ALG14: variants seen among roughly 807,000 people sequenced by gnomAD.
ALG14 encodes UDP-N-acetylglucosamine transferase subunit ALG14.
A neutral mutation model predicts 22.8 loss-of-function variants in ALG14; 17 were observed. The observed-to-expected ratio is 0.75, with a 90% CI of 0.51 to 1.12. The LOEUF (loss-of-function observed/expected upper bound fraction) is 1.12. Ranked by LOEUF, ALG14 falls within the 50% of genes most tolerant of loss-of-function variation. The probability of loss-of-function intolerance (pLI) is 0.00; values close to 1 mark genes in which losing one functional copy is unlikely to be tolerated. For missense variants in ALG14, 288 were observed against 271.8 expected (o/e 1.06, Z -0.42); for synonymous variants, 89 against 103.7 (o/e 0.86, Z 0.86).
At position 95,039,529 on chromosome 1, in the gene ALG14, C is replaced by T. The variant is rs574082719; in HGVS notation, c.289-12269G>A. 1.9e-4 allele frequency among the ~76,000 whole-genome samples: 29 copies of T among 152,178 alleles called. No homozygotes were observed. In the South Asian group the frequency reaches 4.6e-3, roughly 24 times the overall value. ...CCTAGGGTGAACGGTACTGTCATGA[C>T]CTGGGGAGCAAATAGCAAGAGCGGA... On this transcript the variant is annotated intron_variant, in intron 2 of 3. Coordinates refer to ENST00000370205, the MANE Select transcript of ALG14 (RefSeq NM_144988.4).
At chr1:95,057,794 C>T (rs1001613742) in intron 2 of ALG14, among the ~76,000 whole-genome samples, 13 of 151,734 alleles carry the variant, frequency 8.6e-5, no homozygotes, top group African/African-American at 2.9e-4. Flanking sequence ...AATAAGAAAA[C>T]AGACATGTAG....
At chr1:95,001,306 T>C (rs1380591080) in intron 3 of ALG14, among the ~76,000 whole-genome samples, 1 of 152,204 alleles carries the variant, frequency 6.6e-6, no homozygotes, top group Non-Finnish European at 1.5e-5. Flanking sequence ...CTTTTCAGCT[T>C]GTCGGTTGTC....
intron 2 of ALG14, among the ~76,000 whole-genome samples, chr1:95,053,999 A>G (rs893118797): frequency 1.3e-5 from 2 of 152,202 alleles, no homozygotes; most frequent in Admixed American, 1.3e-4. Context: ...GTCCAGCTAC[A>G]TGTTACTTAC....
rs1553222804 is a variant in ALG14 at position 94,976,695 on chromosome 1, G to GA, written c.*6380dup. The GA allele has an allele frequency of 1.0e-3, 141 of 140,146 alleles. No individual in the cohort carries two copies. The highest frequency in any genetic ancestry group is 7.2e-3 in the Middle Eastern group (2 of 278). 8.7% of individuals were successfully genotyped at this position (140,146 alleles called of 1,614,324 possible). The stretch of plus-strand genomic sequence containing the variant: ...TGACAGAGTGAGACTCCGTCTTAAA[G>GA]AAAAAAAAAAAAGATGTCCCCTAAT... On this transcript the variant is annotated 3_prime_UTR_variant, in exon 4 of 4. Coordinates refer to ENST00000370205, the MANE Select transcript of ALG14 (RefSeq NM_144988.4).
intron 2 of ALG14, among the ~76,000 whole-genome samples, chr1:95,063,493 C>G (rs1382795019): frequency 6.6e-6 from 1 of 152,118 alleles, no homozygotes; most frequent in Non-Finnish European, 1.5e-5. Flanking sequence ...AGGAATCCAG[C>G]TTCAATTTTC....
chr1:95,016,139 T>A (rs1393601414), intron 3 of ALG14, among the ~76,000 whole-genome samples: 1 of 152,228 alleles, frequency 6.6e-6, no homozygotes, highest in Admixed American at 6.5e-5. Context: ...AACCCTGGTA[T>A]GCATGTTGCC....
At chr1:95,019,597 A>T (rs911205457) in intron 3 of ALG14, among the ~76,000 whole-genome samples, 8 of 152,230 alleles carry the variant, frequency 5.3e-5, no homozygotes, top group African/African-American at 1.9e-4. Flanking sequence ...AAAAGGCACC[A>T]CTGAAGTTGA....
intron 2 of ALG14, among the ~76,000 whole-genome samples, chr1:95,030,328 T>C (rs886383356): frequency 2.0e-5 from 3 of 152,126 alleles, no homozygotes; most frequent in Non-Finnish European, 4.4e-5. Flanking sequence ...TTTTTCCAGT[T>C]TTCAGAGCTC....
chr1:95,060,176 ACG>A (rs1336547342), intron 2 of ALG14, among the ~76,000 whole-genome samples: 1 of 133,714 alleles, frequency 7.5e-6, no homozygotes, highest in Non-Finnish European at 1.6e-5. Flanking sequence ...ACACACACAC[ACG>A]TGGTGGTACC....
At chr1:95,065,502 A>T (rs759884455) in intron 1 of ALG14, among the ~76,000 whole-genome samples, 9 of 152,194 alleles carry the variant, frequency 5.9e-5, no homozygotes, top group Admixed American at 5.9e-4. Context: ...CACTGGGTGG[A>T]GATGGGGATT....
At chr1:94,986,961 G>C (rs1055007303) in intron 3 of ALG14, among the ~76,000 whole-genome samples, 30 of 152,240 alleles carry the variant, frequency 2.0e-4, no homozygotes, top group Non-Finnish European at 4.0e-4. Flanking sequence ...CTGGTTCAGG[G>C]AAGAGCACAC....
At chr1:95,064,335 G>C (rs1345939118) in intron 2 of ALG14, among the ~76,000 whole-genome samples, 2 of 152,184 alleles carry the variant, frequency 1.3e-5, no homozygotes, top group African/African-American at 2.4e-5. Context: ...GGAGTGGTGA[G>C]AGAGGGCATC....
chr1:95,062,808 T>C (rs896626797), intron 2 of ALG14, among the ~76,000 whole-genome samples: 2 of 152,264 alleles, frequency 1.3e-5, no homozygotes, highest in Admixed American at 6.5e-5. Flanking sequence ...CCTTTGGGTA[T>C]ATACCCAGCA....
At chr1:95,018,531 G>A (rs1557955652) in intron 3 of ALG14, among the ~76,000 whole-genome samples, 1 of 151,960 alleles carries the variant, frequency 6.6e-6, no homozygotes, top group Non-Finnish European at 1.5e-5. Flanking sequence ...GCAAGATTCT[G>A]TCTCAATTAG....
At chr1:95,065,223 T>C (rs1287781245) in intron 1 of ALG14, among the ~76,000 whole-genome samples, 1 of 151,968 alleles carries the variant, frequency 6.6e-6, no homozygotes, top group Admixed American at 6.6e-5. Context: ...AGATAATACA[T>C]GTATAAAAAT....
At chr1:94,996,007 C>T (rs189198381) in intron 3 of ALG14, among the ~76,000 whole-genome samples, 14 of 152,310 alleles carry the variant, frequency 9.2e-5, no homozygotes, top group Admixed American at 5.2e-4. Context: ...GCACTAATGA[C>T]GCTTTCCTAC....
At chr1:95,001,179 A>G (rs1390776154) in intron 3 of ALG14, among the ~76,000 whole-genome samples, 3 of 152,228 alleles carry the variant, frequency 2.0e-5, no homozygotes, top group Admixed American at 2.0e-4. Context: ...TCTTCTTTTC[A>G]GCCTTCTCAG....
chr1:95,027,019 T>C, intron 3 of ALG14, 110 bp downstream of exon 3: 1 of 1,370,758 alleles, frequency 7.3e-7, no homozygotes. Flanking sequence ...TCTTGCATAC[T>C]ACCTGGCACA....
At chr1:95,048,739 G>GT (rs1341396160) in intron 2 of ALG14, among the ~76,000 whole-genome samples, 1 of 151,536 alleles carries the variant, frequency 6.6e-6, no homozygotes, top group Non-Finnish European at 1.5e-5. Context: ...CTTTTTCTTT[G>GT]GTAGGCTTTT....
Sources: gnomAD v4.1 joint callset for allele counts (sites outside exome capture counted in the v4.1 genomes callset) on GRCh38, gnomAD v4.1.1 for gene constraint, MANE v1.5 for transcripts, NCBI Gene and HGNC (gene_info 2026-07-23, HGNC 2026-07-21) for gene names.